Variants in SLAIN1 observed in about 807,000 individuals in gnomAD.
SLAIN1 encodes SLAIN motif-containing protein 1.
Under a neutral mutation model 55.4 loss-of-function variants are expected in SLAIN1, and 17 were observed. The observed-to-expected ratio is 0.31, with a 90% confidence interval of 0.21 to 0.46. SLAIN1 has a LOEUF of 0.46. Ranked by LOEUF, SLAIN1 falls within the 20% of genes least tolerant of loss-of-function variation. The pLI is 1.00. For synonymous variants in SLAIN1, 348 were observed against 337.4 expected, an observed-to-expected ratio of 1.03 and a Z score of -0.35; for missense variants, 682 against 785.1, an observed-to-expected ratio of 0.87 and a Z score of 1.57.
At chr13:77,744,574 C>A in intron 3 of SLAIN1, 142 bp downstream of exon 3, 1 of 1,269,988 alleles carries the variant, frequency 7.9e-7, no homozygotes. Flanking sequence ...TAGGTGGAGC[C>A]AGTTATATGC....
Position 77,764,000 on chromosome 13 carries a change from CTGT to C in SLAIN1, c.*781_*783del, listed in dbSNP as rs1875264807. 3 of 152,586 alleles carry C rather than the reference CTGT, an allele frequency of 2.0e-5. No homozygotes were observed. The highest frequency in any genetic ancestry group is 2.9e-5 in the Non-Finnish European group (2 of 68,004). 9.5% of individuals were successfully genotyped at this position (152,586 alleles called of 1,614,324 possible). A position where few individuals can be genotyped will look rare whatever the true frequency, so the allele number is the denominator to read the frequency against. On this transcript the variant is annotated 3_prime_UTR_variant, in exon 7 of 7. Coordinates refer to ENST00000418532, the MANE Select transcript of SLAIN1 (RefSeq NM_001242868.2). ...CACTTAATACCTGCAATGTTTGCTA[CTGT>C]ACCACAATTGATTTTCAATACTTTA...
chr13:77,748,349 A>G (rs982534349), intron 4 of SLAIN1, among the ~76,000 whole-genome samples: 16 of 151,268 alleles, frequency 1.1e-4, no homozygotes, highest in Admixed American at 3.9e-4. Flanking sequence ...AGTGGAAGTC[A>G]TAACATCTTA....
intron 5 of SLAIN1, among the ~76,000 whole-genome samples, chr13:77,753,747 C>T (rs1874404852): frequency 1.3e-5 from 2 of 152,028 alleles, no homozygotes; most frequent in Admixed American, 6.6e-5. Context: ...CCTTGCAGAT[C>T]CTCCTCCTTC....
intron 2 of SLAIN1, among the ~76,000 whole-genome samples, chr13:77,739,976 C>G (rs1404092214): frequency 6.6e-6 from 1 of 151,974 alleles, no homozygotes; most frequent in Non-Finnish European, 1.5e-5. Context: ...AGGTATCAGT[C>G]TACAATTTAG....
intron 5 of SLAIN1, among the ~76,000 whole-genome samples, chr13:77,756,817 A>G (rs774128983): frequency 1.3e-5 from 2 of 152,162 alleles, no homozygotes; most frequent in Non-Finnish European, 2.9e-5. Context: ...TATTCCTAGG[A>G]AGCTCAAAAT....
Position 77,722,689 on chromosome 13 carries a change from A to G in SLAIN1, c.766+3018A>G, listed in dbSNP as rs1473653768. On this transcript the variant is annotated intron_variant, in intron 2 of 6. Transcript: ENST00000418532. ...TTTACTACCTTTAGGGGACATCAGT[A>G]TATATTATGATAGAAAGTTATATTC... is the stretch of plus-strand genomic sequence containing the variant. Among the ~76,000 whole-genome samples the G allele has an allele frequency of 3.9e-5, 6 of 152,106 alleles. No homozygotes were observed. In the East Asian group the frequency reaches 7.7e-4, roughly 20 times the overall value.
At chr13:77,712,193 A>G (rs946456363) in intron 1 of SLAIN1, among the ~76,000 whole-genome samples, 1 of 152,204 alleles carries the variant, frequency 6.6e-6, no homozygotes, top group Non-Finnish European at 1.5e-5. Flanking sequence ...ACTCCTATTC[A>G]ACATAGTATT....
chr13:77,763,085 G>A (rs1332071320), intron 6 of SLAIN1, 60 bp from the exon 7 acceptor site: 10 of 1,405,040 alleles, frequency 7.1e-6, no homozygotes, highest in Non-Finnish European at 1.0e-5. Context: ...GTCAAAGTGA[G>A]TGATGTGACT....
rs116886104 is a variant in SLAIN1, at chr13:77,758,185, T to C, written c.1415-2643T>C. ...TTTGCATTTCCCTAATGATTAGTGA[T>C]GTTGAACATTTTTTCATTTGTCTGT... On this transcript the variant is annotated intron_variant, in intron 5 of 6. Coordinates refer to ENST00000418532, the MANE Select transcript of SLAIN1 (RefSeq NM_001242868.2). Among the ~76,000 whole-genome samples, 930 of 152,316 alleles carry C rather than the reference T, an allele frequency of 6.1e-3. 5 individuals are homozygous for C. Among genetic ancestry groups the C allele is most frequent in the Non-Finnish European group, 0.01 (708 of 68,010 alleles).
At chr13:77,761,137 A>T in intron 6 of SLAIN1, 27 bp downstream of exon 6, 1 of 1,609,042 alleles carries the variant, frequency 6.2e-7, no homozygotes, top group African/African-American at 1.3e-5. Flanking sequence ...GCGTAACTTC[A>T]TTTGCAGTTT....
At position 77,698,860 on chromosome 13, in the gene SLAIN1, T is replaced by C. The variant is rs1029267709; in HGVS notation, c.626+321T>C. ...TCGTTAGCATTAAGTGCAAAATCCA[T>C]GTCATCTTGTCTTTTTGCTCAGTGC... is the stretch of plus-strand genomic sequence containing the variant. On this transcript the variant is annotated intron_variant, in intron 1 of 6. Coordinates refer to ENST00000418532, the MANE Select transcript of SLAIN1 (RefSeq NM_001242868.2). The surrounding 1 kb of genome is among the most constrained non-coding windows in gnomAD (Gnocchi z 4.1). 2.0e-6 allele frequency: 3 copies of C among 1,509,110 alleles called. No homozygotes were observed. Among genetic ancestry groups the C allele is most frequent in the Admixed American group, 4.0e-5 (2 of 49,896 alleles). The allele number at this position is 1,509,110 out of a possible 1,614,324, so 93.5% of individuals were successfully genotyped here.
chr13:77,698,417 C>G lies in SLAIN1; in HGVS notation c.504C>G (p.Gly168=). Residue 168 remains glycine (G), a synonymous_variant, in exon 1 of 7, where the codon GGC becomes GGG. Transcript: ENST00000418532. The surrounding 1 kb of genome is among the most constrained non-coding windows in gnomAD (Gnocchi z 4.1). ...GCGGTGGCGGGCCGGAGCCGGGGGG[C>G]GCGGGGACGCCGCCAGGGGCAGCTG... ...GAGGGGPEPG[G]AGTPPGAAAA... 1 of 1,393,240 alleles carries G rather than the reference C, an allele frequency of 7.2e-7. No homozygotes were observed. The highest frequency in any genetic ancestry group is 9.3e-7 in the Non-Finnish European group (1 of 1,078,916). 86.3% of individuals were successfully genotyped at this position (1,393,240 alleles called of 1,614,324 possible). A position where few individuals can be genotyped will look rare whatever the true frequency, so the allele number is the denominator to read the frequency against.
intron 1 of SLAIN1, among the ~76,000 whole-genome samples, chr13:77,715,771 A>G (rs900332018): frequency 1.3e-5 from 2 of 152,138 alleles, no homozygotes; most frequent in Non-Finnish European, 2.9e-5. Flanking sequence ...TATTTTTAAA[A>G]TTGAGTTGTT....
intron 2 of SLAIN1, chr13:77,742,934 T>TA (rs1021338771): frequency 2.4e-6 from 2 of 836,998 alleles, no homozygotes; most frequent in Non-Finnish European, 3.0e-6. Flanking sequence ...TTTTTTTTTT[T>TA]ATTCTCTTCC....
At chr13:77,709,991 T>G (rs1462788338) in intron 1 of SLAIN1, among the ~76,000 whole-genome samples, 1 of 152,062 alleles carries the variant, frequency 6.6e-6, no homozygotes, top group Non-Finnish European at 1.5e-5. Flanking sequence ...AGGCTGGTCT[T>G]GAACTCCTGA....
chr13:77,725,356 A>C (rs1178284840), intron 2 of SLAIN1, among the ~76,000 whole-genome samples: 1 of 152,212 alleles, frequency 6.6e-6, no homozygotes, highest in Non-Finnish European at 1.5e-5. Context: ...AATTAAAGAC[A>C]CTTCACTAAG....
intron 2 of SLAIN1, among the ~76,000 whole-genome samples, chr13:77,724,574 G>C (rs2091290849): frequency 6.6e-6 from 1 of 152,066 alleles, no homozygotes; most frequent in Non-Finnish European, 1.5e-5. Context: ...CCATATTGAA[G>C]AATACTTACT....
chr13:77,748,360 T>C (rs1873977274), intron 4 of SLAIN1, among the ~76,000 whole-genome samples: 1 of 150,002 alleles, frequency 6.7e-6, no homozygotes, highest in Non-Finnish European at 1.5e-5. Context: ...TAACATCTTA[T>C]TAAAATTGAG....
At chr13:77,732,919 C>T (rs1872947110) in intron 2 of SLAIN1, among the ~76,000 whole-genome samples, 1 of 152,070 alleles carries the variant, frequency 6.6e-6, no homozygotes, top group Admixed American at 6.6e-5. Context: ...AGAAGTCCCG[C>T]AGAAGGATCC....
Sources: allele counts gnomAD v4.1 joint callset (sites outside exome capture counted in the v4.1 genomes callset), GRCh38; gene constraint gnomAD v4.1.1; non-coding constraint Gnocchi (gnomAD v3.1); transcripts MANE v1.5; gene names NCBI Gene and HGNC (gene_info 2026-07-23, HGNC 2026-07-21).